CYSLTR1: variants seen among roughly 807,000 people sequenced by gnomAD.
CYSLTR1 encodes cysteinyl leukotriene receptor 1, also known as G-protein coupled receptor HG55.
In CYSLTR1, 1 loss-of-function variant was observed where a neutral mutation model predicts 2.1. That is an observed-to-expected ratio of 0.48 (90% confidence interval 0.17 to 2.28). The LOEUF (loss-of-function observed/expected upper bound fraction) is 2.28. CYSLTR1 is among the 30% of genes most tolerant of loss of function. The probability of loss-of-function intolerance (pLI) is 0.26; values close to 1 mark genes in which losing one functional copy is unlikely to be tolerated. For synonymous variants in CYSLTR1, 110 were observed against 89.6 expected, an observed-to-expected ratio of 1.23 and a Z score of -1.28; for missense variants, 299 against 250.1, an observed-to-expected ratio of 1.20 and a Z score of -1.32.
At chrX:78,295,171 C>T (rs1478205400) in intron 1 of CYSLTR1, among the ~76,000 whole-genome samples, 1 of 112,126 alleles carries the variant, frequency 8.9e-6, no homozygotes, top group African/African-American at 3.2e-5. Flanking sequence ...TAATGATCTT[C>T]TGTTCCATCC....
At chrX:78,324,434 C>T (rs1244659765) in intron 1 of CYSLTR1, among the ~76,000 whole-genome samples, 1 of 111,977 alleles carries the variant, frequency 8.9e-6, no homozygotes, top group Non-Finnish European at 1.9e-5. Flanking sequence ...GTGGCGCGAT[C>T]TCGGCTCACT....
In CYSLTR1 at chrX:78,322,481, T is replaced by A. The variant is rs1260859933; in HGVS notation, c.-115+4824A>T. On this transcript the variant is annotated intron_variant, in intron 1 of 2. Transcript: ENST00000373304. Reference sequence around the variant, plus strand: ...TGCACATAGGAAAATGTGTATTTGATGTTTATTGAGTGATTGTTTATTGAT... The same window carrying A: ...TGCACATAGGAAAATGTGTATTTGAAGTTTATTGAGTGATTGTTTATTGAT... Among the ~76,000 whole-genome samples, 3 of 111,871 alleles carry A rather than the reference T, an allele frequency of 2.7e-5. No individual in the cohort carries two copies. In the East Asian group the frequency reaches 8.4e-4, roughly 31 times the overall value.
At chrX:78,311,591 G>A (rs1254656476) in intron 1 of CYSLTR1, among the ~76,000 whole-genome samples, 3 of 111,766 alleles carry the variant, frequency 2.7e-5, no homozygotes, top group Non-Finnish European at 5.6e-5. Context: ...AAACCTTAAA[G>A]ACACTGCAAA....
At chrX:78,317,700 C>T (rs1301058109) in intron 1 of CYSLTR1, among the ~76,000 whole-genome samples, 1 of 112,126 alleles carries the variant, frequency 8.9e-6, no homozygotes, top group East Asian at 2.8e-4. Context: ...AGTTGGAGAC[C>T]ATTATTCTAA....
At chrX:78,282,283 T>A (rs995092533) in intron 2 of CYSLTR1, among the ~76,000 whole-genome samples, 1 of 111,946 alleles carries the variant, frequency 8.9e-6, no homozygotes, top group African/African-American at 3.2e-5. Flanking sequence ...GAAACTTAAA[T>A]CTATCTTCCA....
At chrX:78,286,437 G>A (rs1179608489) in intron 1 of CYSLTR1, among the ~76,000 whole-genome samples, 1 of 111,462 alleles carries the variant, frequency 9.0e-6, no homozygotes, top group Admixed American at 9.5e-5. Flanking sequence ...ATATGGGCAT[G>A]TTTTCACTTT....
At chrX:78,323,378 A>C (rs1603412732) in intron 1 of CYSLTR1, among the ~76,000 whole-genome samples, 1 of 111,721 alleles carries the variant, frequency 9.0e-6, no homozygotes, top group African/African-American at 3.3e-5. Flanking sequence ...TTTTTATTTA[A>C]GGCCCTTTGT....
chrX:78,278,683 G>A lies in CYSLTR1; in HGVS notation c.-28+4771C>T, dbSNP rs755101449. Reference sequence around the variant, plus strand: ...CAAACTAAGCAAAAAGAACAAAGCCGGAGGCATCACACTACTTTAAACTAC... The same window carrying A: ...CAAACTAAGCAAAAAGAACAAAGCCAGAGGCATCACACTACTTTAAACTAC... On this transcript the variant is annotated intron_variant, in intron 2 of 2. Transcript: ENST00000373304. 4.5e-4 allele frequency among the ~76,000 whole-genome samples: 51 copies of A among 112,215 alleles called. 1 individual carries two copies. Among genetic ancestry groups the A allele is most frequent in the Admixed American group, 1.7e-3 (18 of 10,617 alleles).
intron 1 of CYSLTR1, 88 bp downstream of exon 1, chrX:78,327,217 A>C (rs1438771219): frequency 8.9e-6 from 1 of 111,903 alleles, no homozygotes; most frequent in African/African-American, 3.3e-5. Context: ...CTTATCCCCA[A>C]ACTCCTGGGA....
At chrX:78,320,693 A>C (rs1243868780) in intron 1 of CYSLTR1, 3 of 111,565 alleles carry the variant, frequency 2.7e-5, no homozygotes. Flanking sequence ...TCTATAAATT[A>C]CCTTGGGCAG....
chrX:78,280,940 A>G (rs1027155401), intron 2 of CYSLTR1, among the ~76,000 whole-genome samples: 1 of 112,170 alleles, frequency 8.9e-6, no homozygotes, highest in African/African-American at 3.2e-5. Context: ...GCTGCATAGT[A>G]TTTCATGGTG....
chrX:78,273,374 T>C lies in CYSLTR1; in HGVS notation c.373A>G (p.Ile125Val). 2 of 1,211,294 alleles carry C rather than the reference T, an allele frequency of 1.7e-6. No homozygotes were observed. Among genetic ancestry groups the C allele is most frequent in the Non-Finnish European group, 2.2e-6 (2 of 895,398 alleles). ...TTAATGTTCTGGACTGGAAAAACAATTGCAATGCACCGGAAAAAGCTCATG... is the reference window on the plus strand; with the variant it reads ...TTAATGTTCTGGACTGGAAAAACAACTGCAATGCACCGGAAAAAGCTCATG... ...TAMSFFRCIA[I>V]VFPVQNINLV... Residue 125 changes from isoleucine (I) to valine (V), a missense_variant, in exon 3 of 3, where the codon ATT becomes GTT. Coordinates refer to ENST00000373304, the MANE Select transcript of CYSLTR1 (RefSeq NM_006639.4).
At chrX:78,274,624 C>A (rs754133060) in intron 2 of CYSLTR1, among the ~76,000 whole-genome samples, 2 of 110,878 alleles carry the variant, frequency 1.8e-5, no homozygotes, top group Non-Finnish European at 3.8e-5. Context: ...ACCATAAAAA[C>A]CCTAGAAGAA....
At chrX:78,303,804 T>C in intron 1 of CYSLTR1, among the ~76,000 whole-genome samples, 1 of 111,841 alleles carries the variant, frequency 8.9e-6, no homozygotes, top group Non-Finnish European at 1.9e-5. Flanking sequence ...GGATGATTAA[T>C]TGAGTGATCT....
intron 1 of CYSLTR1, among the ~76,000 whole-genome samples, chrX:78,290,450 T>G (rs1326254217): frequency 7.1e-5 from 8 of 112,060 alleles, no homozygotes; most frequent in African/African-American, 2.3e-4. Flanking sequence ...TGCTGGCTCT[T>G]TTTTGGTTCC....
chrX:78,302,460 C>T (rs1232902499), intron 1 of CYSLTR1, among the ~76,000 whole-genome samples: 1 of 111,696 alleles, frequency 9.0e-6, no homozygotes, highest in Non-Finnish European at 1.9e-5. Context: ...ATTTTTACTT[C>T]TCCCTCTGCT....
chrX:78,323,831 G>T (rs1363250666), intron 1 of CYSLTR1, among the ~76,000 whole-genome samples: 1 of 111,386 alleles, frequency 9.0e-6, no homozygotes, highest in Non-Finnish European at 1.9e-5. Context: ...GAGCTCAAAT[G>T]TCTGGGTTGT....
chrX:78,281,591 T>A (rs1181576628), intron 2 of CYSLTR1, among the ~76,000 whole-genome samples: 1 of 111,652 alleles, frequency 9.0e-6, no homozygotes, highest in Non-Finnish European at 1.9e-5. Flanking sequence ...GTTTTGATTT[T>A]TAAATAATAG....
chrX:78,284,935 T>C (rs1166326899), intron 1 of CYSLTR1, among the ~76,000 whole-genome samples: 1 of 111,503 alleles, frequency 9.0e-6, no homozygotes, highest in East Asian at 2.8e-4. Flanking sequence ...CTCCAAATTG[T>C]TCCTTTTTCT....
Sources: allele counts gnomAD v4.1 joint callset (sites outside exome capture counted in the v4.1 genomes callset), GRCh38; gene constraint gnomAD v4.1.1; transcripts MANE v1.5; gene names NCBI Gene and HGNC (gene_info 2026-07-23, HGNC 2026-07-21).